ARIH1: variants seen among roughly 807,000 people sequenced by gnomAD.
ARIH1 encodes ariadne RBR E3 ubiquitin protein ligase 1.
Under a neutral mutation model 85.0 loss-of-function variants are expected in ARIH1, and 8 were observed. The ratio of observed to expected loss-of-function variants is 0.09; its 90% CI spans 0.06 to 0.17. The LOEUF is 0.17. ARIH1 is among the 10% of genes least tolerant of loss of function. ARIH1 has a pLI of 1.00. For missense variants in ARIH1, 311 were observed against 718.1 expected, an observed-to-expected ratio of 0.43 and a Z score of 6.48; for synonymous variants, 238 against 253.6, an observed-to-expected ratio of 0.94 and a Z score of 0.59.
intron 3 of ARIH1, among the ~76,000 whole-genome samples, chr15:72,553,762 C>A (rs543201330): frequency 3.9e-5 from 6 of 152,218 alleles, no homozygotes; most frequent in African/African-American, 1.2e-4. Context: ...ACTAAAAATA[C>A]AAAAATTAGC....
chr15:72,566,127 A>T (rs2064219606), intron 7 of ARIH1, among the ~76,000 whole-genome samples: 1 of 152,202 alleles, frequency 6.6e-6, no homozygotes. Flanking sequence ...TAATGCAAAG[A>T]TGTGACCTAT....
At chr15:72,545,014 T>G (rs1427728488) in intron 3 of ARIH1, 50 bp downstream of exon 3, 1 of 1,457,934 alleles carries the variant, frequency 6.9e-7, no homozygotes, top group Admixed American at 2.2e-5. Context: ...TTTCAGAGGG[T>G]AAATCAACTT....
chr15:72,547,931 A>G (rs1226911986), intron 3 of ARIH1, among the ~76,000 whole-genome samples: 1 of 152,248 alleles, frequency 6.6e-6, no homozygotes, highest in Non-Finnish European at 1.5e-5. Flanking sequence ...ATGGTCTAAC[A>G]ATCTCAACAA....
Position 72,577,672 on chromosome 15 carries a change from CA to C in ARIH1, c.1216-3055del, listed in dbSNP as rs573883235. Among the ~76,000 whole-genome samples, 35 of 151,898 alleles carry C rather than the reference CA, an allele frequency of 2.3e-4. 1 individual carries two copies. The East Asian group carries it at 6.6e-3, about 29-fold the overall frequency. On this transcript the variant is annotated intron_variant, in intron 11 of 13. Coordinates refer to ENST00000379887, the MANE Select transcript of ARIH1 (RefSeq NM_005744.5). ...TGTGCGACAGAGTGAGACTCCATCT[CA>C]AAACAAAAAACAAACAAACAAAAAA...
chr15:72,476,371 TTTTG>T (rs1365436672), intron 1 of ARIH1, among the ~76,000 whole-genome samples: 3 of 152,264 alleles, frequency 2.0e-5, no homozygotes, highest in Admixed American at 1.3e-4. Context: ...GAAGATAATT[TTTTG>T]TTTGTTTGAG....
intron 1 of ARIH1, among the ~76,000 whole-genome samples, chr15:72,503,090 A>G (rs898510604): frequency 6.6e-6 from 1 of 152,154 alleles, no homozygotes; most frequent in African/African-American, 2.4e-5. Context: ...TCTCTGTCCT[A>G]AGTAGTCTAG....
chr15:72,541,051 T>C (rs563957038), intron 2 of ARIH1, among the ~76,000 whole-genome samples: 36 of 152,258 alleles, frequency 2.4e-4, no homozygotes, highest in Non-Finnish European at 4.7e-4. Flanking sequence ...AACGCTAGTA[T>C]GGAGGCTGCG....
At chr15:72,541,945 C>G (rs1029192928) in intron 2 of ARIH1, among the ~76,000 whole-genome samples, 1 of 152,132 alleles carries the variant, frequency 6.6e-6, no homozygotes, top group Non-Finnish European at 1.5e-5. Context: ...GGAACCTTAT[C>G]TAATGGGGGT....
At chr15:72,553,601 C>A (rs1299596138) in intron 3 of ARIH1, among the ~76,000 whole-genome samples, 1 of 152,126 alleles carries the variant, frequency 6.6e-6, no homozygotes, top group Non-Finnish European at 1.5e-5. Flanking sequence ...AATGGATATA[C>A]CTATTCTGGA....
intron 2 of ARIH1, among the ~76,000 whole-genome samples, chr15:72,518,483 A>G (rs1304612774): frequency 6.6e-6 from 1 of 152,018 alleles, no homozygotes; most frequent in Non-Finnish European, 1.5e-5. Context: ...ATCCTCCTTT[A>G]ATTACTTAAA....
In ARIH1 at chr15:72,591,446, T is replaced by C. The variant is rs73446615; in HGVS notation, c.*8154T>C. 6.6e-6 allele frequency: 1 copy of C among 152,178 alleles called. No individual in the cohort carries two copies. Among genetic ancestry groups the C allele is most frequent in the African/African-American group, 2.4e-5 (1 of 41,398 alleles). 9.4% of individuals were successfully genotyped at this position (152,178 alleles called of 1,614,324 possible). A position where few individuals can be genotyped will look rare whatever the true frequency, so the allele number is the denominator to read the frequency against. On this transcript the variant is annotated 3_prime_UTR_variant, in exon 14 of 14. Transcript: ENST00000379887. ...CTTAGAATTATGAATCTGAGGCTTATGCAGTGAGGCTCTAGCTCTCTGGAG... is the reference window on the plus strand; with the variant it reads ...CTTAGAATTATGAATCTGAGGCTTACGCAGTGAGGCTCTAGCTCTCTGGAG...
Position 72,598,424 on chromosome 15 carries a change from T to A in ARIH1, c.*15132T>A, listed in dbSNP as rs965720737. The A allele has an allele frequency of 2.6e-5, 4 of 152,194 alleles. No homozygotes were observed. In the East Asian group the frequency reaches 5.8e-4, roughly 22 times the overall value. 9.4% of individuals were successfully genotyped at this position (152,194 alleles called of 1,614,324 possible). On this transcript the variant is annotated 3_prime_UTR_variant, in exon 14 of 14. Transcript: ENST00000379887. ...AGGAGTTTATTTTTTTAATAAAAAA[T>A]TTTTTTAGGTCAGGCACAGTGTCTC...
At chr15:72,481,785 C>T (rs2063817414) in intron 1 of ARIH1, among the ~76,000 whole-genome samples, 1 of 152,190 alleles carries the variant, frequency 6.6e-6, no homozygotes, top group South Asian at 2.1e-4. Context: ...TGCTATCCTT[C>T]ATGCTATGCT....
chr15:72,549,485 C>T (rs910363648), intron 3 of ARIH1, among the ~76,000 whole-genome samples: 3 of 152,120 alleles, frequency 2.0e-5, no homozygotes, highest in Non-Finnish European at 1.5e-5. Context: ...AAGGGTGGTC[C>T]ACCATCCCGT....
chr15:72,522,624 T>C (rs1304638604), intron 2 of ARIH1, among the ~76,000 whole-genome samples: 1 of 152,082 alleles, frequency 6.6e-6, no homozygotes, highest in Non-Finnish European at 1.5e-5. Flanking sequence ...GTAGAAAAGG[T>C]ATTTAAGATA....
intron 2 of ARIH1, among the ~76,000 whole-genome samples, chr15:72,533,021 A>G (rs535575476): frequency 2.0e-5 from 3 of 152,244 alleles, no homozygotes; most frequent in Admixed American, 6.5e-5. Flanking sequence ...AGATGTGGAT[A>G]TCGTATCTCC....
intron 1 of ARIH1, among the ~76,000 whole-genome samples, chr15:72,506,999 TG>T (rs2063928835): frequency 7.2e-6 from 1 of 139,304 alleles, no homozygotes; most frequent in Non-Finnish European, 1.7e-5. Context: ...TATGTATGTA[TG>T]TATGTATGTA....
At position 72,586,202 on chromosome 15, in the gene ARIH1, A is replaced by C. The variant is rs892942694; in HGVS notation, c.*2910A>C. 1 of 152,216 alleles carries C rather than the reference A, an allele frequency of 6.6e-6. No homozygotes were observed. The highest frequency in any genetic ancestry group is 2.4e-5 in the African/African-American group (1 of 41,444). The allele number at this position is 152,216 out of a possible 1,614,324, so 9.4% of individuals were successfully genotyped here. ...CACGTGTATACATACACCCATATAC[A>C]ACAGATCCAAGACTGGCTGACTTCA... On this transcript the variant is annotated 3_prime_UTR_variant, in exon 14 of 14. Coordinates refer to ENST00000379887, the MANE Select transcript of ARIH1 (RefSeq NM_005744.5).
intron 5 of ARIH1, among the ~76,000 whole-genome samples, chr15:72,558,425 C>T (rs1331834316): frequency 6.6e-6 from 1 of 152,172 alleles, no homozygotes; most frequent in Non-Finnish European, 1.5e-5. Flanking sequence ...CCTCAGCCTC[C>T]TGAGTAGCTG....
Sources: allele counts gnomAD v4.1 joint callset (sites outside exome capture counted in the v4.1 genomes callset), GRCh38; gene constraint gnomAD v4.1.1; transcripts MANE v1.5; gene names NCBI Gene and HGNC (gene_info 2026-07-23, HGNC 2026-07-21).